The following ERCC6 variants were observed in gnomAD, a reference collection of about 807,000 sequenced individuals.
ERCC6 encodes the protein DNA excision repair protein ERCC-6.
In ERCC6, 116 loss-of-function variants were observed where a neutral mutation model predicts 158.7. The ratio of observed to expected loss-of-function variants is 0.73; its 90% CI spans 0.63 to 0.85. ERCC6 has a LOEUF of 0.85. Among genes scored for constraint, ERCC6 ranks in the 40% least tolerant of loss-of-function variants. The pLI is 0.00. For synonymous variants in ERCC6, 678 were observed against 659.3 expected, an observed-to-expected ratio of 1.03 and a Z score of -0.43; for missense variants, 1,698 against 1,799.4, an observed-to-expected ratio of 0.94 and a Z score of 1.02.
intron 7 of ERCC6, among the ~76,000 whole-genome samples, chr10:49,494,233 C>T (rs1851226886): frequency 6.6e-6 from 1 of 152,040 alleles, no homozygotes; most frequent in Non-Finnish European, 1.5e-5. Context: ...GTCAGTTTTT[C>T]ATTTTCAAAT....
At chr10:49,534,144 A>C (rs989840022) in intron 1 of ERCC6, among the ~76,000 whole-genome samples, 33 of 148,742 alleles carry the variant, frequency 2.2e-4, no homozygotes, top group South Asian at 1.1e-3. Context: ...AAAAAAAAAA[A>C]AAAAAAAAAA....
chr10:49,469,699 T>C (rs980377191), intron 18 of ERCC6, among the ~76,000 whole-genome samples: 1 of 152,200 alleles, frequency 6.6e-6, no homozygotes, highest in African/African-American at 2.4e-5. Context: ...AGCAGGGCTA[T>C]CTATATACTC....
chr10:49,475,268 T>A (rs1295317670), intron 12 of ERCC6: 1 of 300,560 alleles, frequency 3.3e-6, no homozygotes, highest in Non-Finnish European at 6.6e-6. Context: ...AATTTTTGAT[T>A]ACATATTAAA....
the ERCC6 span, among the ~76,000 whole-genome samples, chr10:49,436,560 A>C: frequency 1.3e-5 from 2 of 152,244 alleles, no homozygotes; most frequent in African/African-American, 4.8e-5. Context: ...GTCTGAAACC[A>C]TTAGACATAA....
chr10:49,530,393 T>C (rs1390112160), intron 3 of ERCC6, among the ~76,000 whole-genome samples: 1 of 152,226 alleles, frequency 6.6e-6, no homozygotes, highest in African/African-American at 2.4e-5. Context: ...GATAGGTTTT[T>C]CAGTGTATTT....
intron 7 of ERCC6, among the ~76,000 whole-genome samples, chr10:49,498,609 A>C (rs1851304816): frequency 6.6e-6 from 1 of 152,206 alleles, no homozygotes; most frequent in African/African-American, 2.4e-5. Context: ...AATAAAGACA[A>C]TCTGGGATGT....
chr10:49,506,910 G>C (rs949294138), intron 5 of ERCC6, among the ~76,000 whole-genome samples: 2 of 151,822 alleles, frequency 1.3e-5, no homozygotes, highest in Non-Finnish European at 2.9e-5. Context: ...CAAAATGGTG[G>C]AAATGGAATA....
At chr10:49,481,450 G>C (rs1157744358) in intron 10 of ERCC6, among the ~76,000 whole-genome samples, 1 of 152,108 alleles carries the variant, frequency 6.6e-6, no homozygotes, top group Non-Finnish European at 1.5e-5. Flanking sequence ...AATTGTTTTT[G>C]ACAATCTTTT....
rs367965088 is a variant in ERCC6 at position 49,524,408 on chromosome 10, T to C, written c.1022A>G (p.Gln341Arg). 1.8e-5 allele frequency: 29 copies of C among 1,614,134 alleles called. No homozygotes were observed. In the African/African-American group the frequency reaches 2.7e-4, roughly 15 times the overall value. The change falls in exon 5 of 21, where the codon CAG becomes CGG. Residue 341 changes from glutamine (Q) to arginine (R), a missense_variant. Coordinates refer to ENST00000355832, the MANE Select transcript of ERCC6 (RefSeq NM_000124.4). ...HIKKLQKRAL[Q>R]FQGKVGLPKA... ...TGGCAATCCCACTTTCCCCTGGAAC[T>C]GCAAAGCCCTCTTCTGGAGTTTCTT...
At chr10:49,527,802 T>A (rs973600618) in intron 4 of ERCC6, among the ~76,000 whole-genome samples, 1 of 152,248 alleles carries the variant, frequency 6.6e-6, no homozygotes, top group Non-Finnish European at 1.5e-5. Context: ...GCAGCTTTAA[T>A]CTGTATTTCA....
intron 7 of ERCC6, among the ~76,000 whole-genome samples, chr10:49,493,530 A>G (rs1851213069): frequency 6.6e-6 from 1 of 152,234 alleles, no homozygotes; most frequent in Non-Finnish European, 1.5e-5. Context: ...AACATAAAAG[A>G]TAATCAAATA....
the ERCC6 span, among the ~76,000 whole-genome samples, chr10:49,437,650 A>G: frequency 2.0e-5 from 3 of 152,168 alleles, no homozygotes; most frequent in Admixed American, 2.0e-4. Flanking sequence ...GCATGACAGG[A>G]TGACAGGGAG....
rs1434669244 is a variant in ERCC6 at position 49,457,404 on chromosome 10, T to C, written c.*1411A>G. The C allele has an allele frequency of 6.6e-6, 1 of 152,182 alleles. No individual in the cohort carries two copies. Among genetic ancestry groups the C allele is most frequent in the Admixed American group, 6.5e-5 (1 of 15,280 alleles). The allele number at this position is 152,182 out of a possible 1,614,324, so 9.4% of individuals were successfully genotyped here. On this transcript the variant is annotated 3_prime_UTR_variant, in exon 21 of 21. Coordinates refer to ENST00000355832, the MANE Select transcript of ERCC6 (RefSeq NM_000124.4). The stretch of plus-strand genomic sequence containing the variant: ...TGACAGGAATCATATAGAACATCTC[T>C]AAGAAAAGGATTCTTGGCTTAAGCA...
chr10:49,524,047 A>G lies in ERCC6; in HGVS notation c.1383T>C (p.Tyr461=), dbSNP rs771681534. The change falls in exon 5 of 21, where the codon TAT becomes TAC. Residue 461 remains tyrosine, a synonymous_variant. Transcript: ENST00000355832. The part of the protein sequence containing the change: ...RYRDDGDEDY[Y]KQRLRRWNKL... ...CACAGACCGACCTTAACCGCTGCTT[A>G]TAATAATCTTCATCTCCATCATCTC... 6.2e-6 allele frequency: 10 copies of G among 1,613,620 alleles called. No homozygotes were observed. The highest frequency in any genetic ancestry group is 1.1e-5 in the South Asian group (1 of 91,068).
At chr10:49,506,377 G>A (rs1466868317) in intron 5 of ERCC6, 4 of 269,706 alleles carry the variant, frequency 1.5e-5, no homozygotes, top group Non-Finnish European at 2.8e-5. Context: ...ATAATTGAGT[G>A]TCTTCACAAC....
chr10:49,492,843 C>CTG, intron 8 of ERCC6, among the ~76,000 whole-genome samples: 1 of 152,210 alleles, frequency 6.6e-6, no homozygotes, highest in Non-Finnish European at 1.5e-5. Flanking sequence ...CCCACACTGC[C>CTG]AGGCTTGTGC....
At chr10:49,460,545 C>T in intron 19 of ERCC6, 94 bp from the exon 20 acceptor site, 1 of 870,662 alleles carries the variant, frequency 1.1e-6, no homozygotes, top group Non-Finnish European at 1.9e-6. Flanking sequence ...TTCCTGGAAA[C>T]ATTTCCATCT....
intron 6 of ERCC6, chr10:49,502,167 A>G (rs1223952536): frequency 6.6e-6 from 1 of 152,144 alleles, no homozygotes; most frequent in Non-Finnish European, 1.5e-5. Context: ...TCCTCTCAGT[A>G]AATACGTCAT....
intron 5 of ERCC6, among the ~76,000 whole-genome samples, chr10:49,518,158 G>C (rs965250986): frequency 5.9e-5 from 9 of 152,198 alleles, no homozygotes; most frequent in Non-Finnish European, 1.0e-4. Flanking sequence ...GTTCCCAGAA[G>C]ACAATAAAAT....
Sources: allele counts gnomAD v4.1 joint callset (sites outside exome capture counted in the v4.1 genomes callset), GRCh38; gene constraint gnomAD v4.1.1; transcripts MANE v1.5; gene names NCBI Gene and HGNC (gene_info 2026-07-23, HGNC 2026-07-21).